The following MEIKIN variants were observed in gnomAD, a reference collection of about 807,000 sequenced individuals.
MEIKIN encodes meiotic kinetochore factor.
At chr5:131,885,998 G>A (rs1357844744) in intron 8 of MEIKIN, among the ~76,000 whole-genome samples, 1 of 152,174 alleles carries the variant, frequency 6.6e-6, no homozygotes, top group Non-Finnish European at 1.5e-5. Flanking sequence ...AAATTCTGGA[G>A]TTGAAAAATG....
In MEIKIN at chr5:131,824,660, A is replaced by G. The variant is rs117882751; in HGVS notation, c.976-5797T>C. Among the ~76,000 whole-genome samples, 48 of 152,342 alleles carry G rather than the reference A, an allele frequency of 3.2e-4. 1 individual carries two copies. In the East Asian group the frequency reaches 8.5e-3, roughly 27 times the overall value. On this transcript the variant is annotated intron_variant, in intron 11 of 12. Coordinates refer to ENST00000442687, the MANE Select transcript of MEIKIN (RefSeq NM_001303622.2). ...GGCTTAAGAAGCAGAATAGATAGAT[A>G]AAGAAAGAATTAGTAAGGAAATTGC...
intron 9 of MEIKIN, among the ~76,000 whole-genome samples, chr5:131,857,081 C>T (rs1367267847): frequency 6.6e-6 from 1 of 151,832 alleles, no homozygotes; most frequent in Non-Finnish European, 1.5e-5. Context: ...AACATAAAAG[C>T]AGACCTATAG....
intron 4 of MEIKIN, among the ~76,000 whole-genome samples, chr5:131,941,192 G>T (rs1263281568): frequency 9.7e-6 from 1 of 103,080 alleles, no homozygotes; most frequent in East Asian, 3.3e-4. Context: ...AAGTCTCGCT[G>T]TTGTCCCCCA....
At chr5:131,871,614 C>T (rs1209549370) in intron 9 of MEIKIN, among the ~76,000 whole-genome samples, 1 of 152,216 alleles carries the variant, frequency 6.6e-6, no homozygotes, top group South Asian at 2.1e-4. Flanking sequence ...CCTCTGCAGA[C>T]TTAAATGTCC....
At chr5:131,860,754 C>CA (rs1750271069) in intron 9 of MEIKIN, among the ~76,000 whole-genome samples, 3 of 50,982 alleles carry the variant, frequency 5.9e-5, no homozygotes, top group Non-Finnish European at 9.6e-5. Context: ...GCCTGTTTGG[C>CA]TTTTTTTTTT....
At chr5:131,828,528 G>A (rs1749654741) in intron 11 of MEIKIN, among the ~76,000 whole-genome samples, 1 of 152,106 alleles carries the variant, frequency 6.6e-6, no homozygotes, top group Non-Finnish European at 1.5e-5. Context: ...ATGACAAAAG[G>A]TTTTTAGAAG....
chr5:131,875,018 C>T lies in MEIKIN; in HGVS notation c.774+3960G>A, dbSNP rs578206523. 2.8e-4 allele frequency among the ~76,000 whole-genome samples: 41 copies of T among 143,894 alleles called. 1 individual carries two copies. In the South Asian group the frequency reaches 8.6e-3, roughly 30 times the overall value. The allele number at this position is 143,894 out of a possible 152,430, so 94.4% of individuals were successfully genotyped here. On this transcript the variant is annotated intron_variant, in intron 9 of 12. Coordinates refer to ENST00000442687, the MANE Select transcript of MEIKIN (RefSeq NM_001303622.2). ...TCAAAATAATAAGAGCTATCTATGACAAACCCACAGCCAATATCATACTGA... is the reference window on the plus strand; with the variant it reads ...TCAAAATAATAAGAGCTATCTATGATAAACCCACAGCCAATATCATACTGA...
rs748799332 is a variant in MEIKIN at position 131,932,612 on chromosome 5, C to T, written c.478+901G>A. 8.5e-5 allele frequency among the ~76,000 whole-genome samples: 13 copies of T among 152,268 alleles called. 1 individual carries two copies. Among genetic ancestry groups the T allele is most frequent in the African/African-American group, 2.4e-4 (10 of 41,562 alleles). ...GTGGAAAAGAATACTCCACCCATTA[C>T]GAGGGTATGAATATAATACTACAGA... On this transcript the variant is annotated intron_variant, in intron 5 of 12. Transcript: ENST00000442687.
intron 11 of MEIKIN, among the ~76,000 whole-genome samples, chr5:131,828,038 C>CAA (rs754641369): frequency 1.3e-4 from 14 of 107,692 alleles, no homozygotes; most frequent in Admixed American, 8.1e-4. Context: ...GACCCTGTCT[C>CAA]AAAAAAAAAA....
chr5:131,894,123 C>A (rs1032596191), intron 8 of MEIKIN, among the ~76,000 whole-genome samples: 1 of 152,124 alleles, frequency 6.6e-6, no homozygotes, highest in Non-Finnish European at 1.5e-5. Flanking sequence ...ATATGGCTAG[C>A]CAGTTTTCCC....
Position 131,945,225 on chromosome 5 carries a change from T to G in MEIKIN, c.131A>C (p.His44Pro). Reference protein sequence around the residue: ...PPGSKRKGKVHGLSKIAEKAE... With the variant: ...PPGSKRKGKVPGLSKIAEKAE... ...TTTCTCTGCAATCTTCGACAAGCCG[T>G]GCACTTTGCCTTTTCTCTTCGAACC... Residue 44 changes from histidine (H) to proline (P), a missense_variant, in exon 2 of 13, where the codon CAC (histidine) becomes CCC (proline). By Grantham distance (77) the His-to-Pro change is moderately conservative. Coordinates refer to ENST00000442687, the MANE Select transcript of MEIKIN (RefSeq NM_001303622.2). The G allele has an allele frequency of 2.5e-6, 1 of 399,278 alleles. No individual in the cohort carries two copies. The highest frequency in any genetic ancestry group is 4.4e-6 in the Non-Finnish European group (1 of 226,236). 24.7% of individuals were successfully genotyped at this position (399,278 alleles called of 1,614,324 possible). A position where few individuals can be genotyped will look rare whatever the true frequency, so the allele number is the denominator to read the frequency against.
At chr5:131,901,623 T>C (rs1239933160) in intron 8 of MEIKIN, among the ~76,000 whole-genome samples, 1 of 152,198 alleles carries the variant, frequency 6.6e-6, no homozygotes, top group African/African-American at 2.4e-5. Flanking sequence ...TGGGAACACC[T>C]TGGCCCTTGG....
At chr5:131,885,074 A>G (rs552214859) in intron 8 of MEIKIN, among the ~76,000 whole-genome samples, 12 of 152,086 alleles carry the variant, frequency 7.9e-5, no homozygotes, top group Non-Finnish European at 1.6e-4. Flanking sequence ...ATGGACAGCC[A>G]CTCTGGACCT....
intron 9 of MEIKIN, among the ~76,000 whole-genome samples, chr5:131,858,874 A>C (rs1319753876): frequency 6.6e-6 from 1 of 152,196 alleles, no homozygotes; most frequent in East Asian, 1.9e-4. Context: ...ACCACAATGA[A>C]ATACCATCTC....
At position 131,909,532 on chromosome 5, in the gene MEIKIN, C is replaced by T. The variant is rs115871923; in HGVS notation, c.703+2283G>A. Among the ~76,000 whole-genome samples the T allele has an allele frequency of 4.7e-3, 711 of 152,166 alleles. 8 individuals carry two copies. Among genetic ancestry groups the T allele is most frequent in the African/African-American group, 0.016 (675 of 41,556 alleles). ...CAAAGATATCTTGAGTAATACCCCA[C>T]AAACACAGGCAACCAAAGCAAAATT... On this transcript the variant is annotated intron_variant, in intron 8 of 12. Transcript: ENST00000442687.
At chr5:131,945,297 T>C in intron 1 of MEIKIN, 48 bp from the exon 2 acceptor site, 1 of 399,074 alleles carries the variant, frequency 2.5e-6, no homozygotes, top group Non-Finnish European at 4.4e-6. Flanking sequence ...CCCACCGGCT[T>C]CGGGGGGGTC....
At position 131,863,557 on chromosome 5, in the gene MEIKIN, C is replaced by CTTTTTTTTTTTTTTTTTTT. The variant is rs59435888; in HGVS notation, c.775-8742_775-8724dup. On this transcript the variant is annotated intron_variant, in intron 9 of 12. Coordinates refer to ENST00000442687, the MANE Select transcript of MEIKIN (RefSeq NM_001303622.2). ...TCATTATATAATGACCTTCTTTGTC[C>CTTTTTTTTTTTTTTTTTTT]TTTTTTTTTTTTTTTTTTTTTTTTT... is the stretch of plus-strand genomic sequence containing the variant. Among the ~76,000 whole-genome samples the CTTTTTTTTTTTTTTTTTTT allele has an allele frequency of 4.1e-4, 28 of 68,428 alleles. 2 individuals are homozygous for CTTTTTTTTTTTTTTTTTTT. The highest frequency in any genetic ancestry group is 2.0e-3 in the African/African-American group (26 of 12,852). The allele number at this position is 68,428 out of a possible 152,430, so 44.9% of individuals were successfully genotyped here.
At chr5:131,863,571 T>TTTTTTTTTTTTTTTC (rs1750326932) in intron 9 of MEIKIN, among the ~76,000 whole-genome samples, 1 of 146,260 alleles carries the variant, frequency 6.8e-6, no homozygotes, top group African/African-American at 2.6e-5. Flanking sequence ...TTTTTTTTTT[T>TTTTTTTTTTTTTTTC]TTTTTTTTTT....
intron 12 of MEIKIN, among the ~76,000 whole-genome samples, chr5:131,817,420 G>C (rs948116689): frequency 7.2e-5 from 11 of 151,888 alleles, no homozygotes; most frequent in Non-Finnish European, 1.3e-4. Flanking sequence ...GACCATCCTG[G>C]CTAACACGAT....
Sources: allele counts gnomAD v4.1 joint callset (sites outside exome capture counted in the v4.1 genomes callset), GRCh38; gene constraint gnomAD v4.1.1; transcripts MANE v1.5; gene names NCBI Gene and HGNC (gene_info 2026-07-23, HGNC 2026-07-21).